The following SKIC2 variants were observed in gnomAD, a reference collection of about 807,000 sequenced individuals.
SKIC2 encodes the protein superkiller complex protein 2.
At chr6:31,964,759 A>G in the SKIC2 span, among the ~76,000 whole-genome samples, 1 of 152,234 alleles carries the variant, frequency 6.6e-6, no homozygotes, top group Non-Finnish European at 1.5e-5. This position sits in a 1 kb window ranked among gnomAD's most constrained non-coding sequence, Gnocchi z 5.0. Flanking sequence ...AGGAGGTTGT[A>G]GGGTTCTGGG....
the SKIC2 span, chr6:31,969,732 CATG>C: frequency 1.3e-6 from 2 of 1,583,698 alleles, no homozygotes. This position sits in a 1 kb window ranked among gnomAD's most constrained non-coding sequence, Gnocchi z 6.1. Flanking sequence ...CATGTAAAAA[CATG>C]ATGATAAAAC....
chr6:31,959,790 CT>C, the SKIC2 span: 1 of 576,110 alleles, frequency 1.7e-6, no homozygotes, highest in Admixed American at 3.2e-5. Flanking sequence ...AGCCAGGGAG[CT>C]TTTTAAAAAT....
At chr6:31,960,552 T>C in the SKIC2 span, 1 of 1,604,692 alleles carries the variant, frequency 6.2e-7, no homozygotes, top group Non-Finnish European at 8.5e-7. Flanking sequence ...GCCAGGTGAC[T>C]CTTGTGGAGA....
chr6:31,969,567 G>A, the SKIC2 span: 5 of 1,613,688 alleles, frequency 3.1e-6, no homozygotes, highest in Admixed American at 1.7e-5. This position sits in a 1 kb window ranked among gnomAD's most constrained non-coding sequence, Gnocchi z 6.1. Flanking sequence ...CTGGTGGTCC[G>A]CTGCATTCAG....
At chr6:31,961,102 T>C in the SKIC2 span, 1 of 1,612,932 alleles carries the variant, frequency 6.2e-7, no homozygotes, top group African/African-American at 1.3e-5. Context: ...AAGGTTAGTT[T>C]TAGTTTTTGA....
chr6:31,968,510 G>A, the SKIC2 span: 19 of 1,612,742 alleles, frequency 1.2e-5, no homozygotes, highest in African/African-American at 2.7e-5. The surrounding 1 kb of genome is among the most constrained non-coding windows in gnomAD (Gnocchi z 6.1). Flanking sequence ...GGGGCTCAGT[G>A]TGTACACAGC....
chr6:31,969,742 A>G, the SKIC2 span: 1 of 1,583,414 alleles, frequency 6.3e-7, no homozygotes, highest in Non-Finnish European at 8.6e-7. This position sits in a 1 kb window ranked among gnomAD's most constrained non-coding sequence, Gnocchi z 6.1. Flanking sequence ...CATGATGATA[A>G]AACAGCAAAG....
At chr6:31,961,324 T>A in the SKIC2 span, 8 of 1,593,674 alleles carry the variant, frequency 5.0e-6, no homozygotes, top group Non-Finnish European at 6.8e-6. Context: ...GGACACTGTT[T>A]CAGCCTCTCC....
the SKIC2 span, chr6:31,968,235 G>A: frequency 7.0e-7 from 1 of 1,420,566 alleles, no homozygotes; most frequent in Non-Finnish European, 9.8e-7. This position sits in a 1 kb window ranked among gnomAD's most constrained non-coding sequence, Gnocchi z 6.1. Context: ...ACTGTGAAGT[G>A]GAGGTTGTAG....
the SKIC2 span, chr6:31,960,528 C>T: frequency 2.3e-5 from 37 of 1,612,576 alleles, no homozygotes; most frequent in Non-Finnish European, 2.9e-5. Flanking sequence ...AAATCCAACT[C>T]AGTATCCCTT....
At chr6:31,968,906 C>T in the SKIC2 span, 2 of 1,612,964 alleles carry the variant, frequency 1.2e-6, no homozygotes, top group South Asian at 2.2e-5. This position sits in a 1 kb window ranked among gnomAD's most constrained non-coding sequence, Gnocchi z 6.1. Context: ...ACGAGGCGGG[C>T]ACTGTGAAGC....
At chr6:31,969,210 C>T in the SKIC2 span, 14 of 1,582,908 alleles carry the variant, frequency 8.8e-6, no homozygotes, top group African/African-American at 2.7e-5. This position sits in a 1 kb window ranked among gnomAD's most constrained non-coding sequence, Gnocchi z 6.1. Context: ...AAAATGGCTG[C>T]CTTCTTGATC....
the SKIC2 span, chr6:31,961,157 T>C: frequency 6.2e-7 from 1 of 1,607,474 alleles, no homozygotes; most frequent in Non-Finnish European, 8.5e-7. Context: ...GGAACAGAGA[T>C]GGACATGACA....
At chr6:31,963,894 C>T in the SKIC2 span, 3 of 1,600,856 alleles carry the variant, frequency 1.9e-6, no homozygotes, top group African/African-American at 1.3e-5. This position sits in a 1 kb window ranked among gnomAD's most constrained non-coding sequence, Gnocchi z 5.3. Context: ...GCTCCTTCCC[C>T]TTCCCCTTCC....
the SKIC2 span, chr6:31,963,454 C>G: frequency 6.2e-7 from 1 of 1,611,226 alleles, no homozygotes; most frequent in East Asian, 2.2e-5. The surrounding 1 kb of genome is among the most constrained non-coding windows in gnomAD (Gnocchi z 5.3). Flanking sequence ...AGCACTGTAA[C>G]CCGCCCCGTG....
At chr6:31,960,645 G>GCCCAGCC in the SKIC2 span, 1 of 1,589,190 alleles carries the variant, frequency 6.3e-7, no homozygotes, top group Non-Finnish European at 8.6e-7. Context: ...ATGAATCCCT[G>GCCCAGCC]TCTGTCCTGT....
the SKIC2 span, chr6:31,959,318 T>C: frequency 6.2e-7 from 1 of 1,613,804 alleles, no homozygotes; most frequent in Non-Finnish European, 8.5e-7. Context: ...CCAGATCCCC[T>C]GGACCTACCC....
the SKIC2 span, chr6:31,969,143 A>T: frequency 1.3e-6 from 2 of 1,568,952 alleles, no homozygotes; most frequent in Non-Finnish European, 1.7e-6. This position sits in a 1 kb window ranked among gnomAD's most constrained non-coding sequence, Gnocchi z 6.1. Flanking sequence ...CCTGACCTTC[A>T]CCTTCAGGTA....
the SKIC2 span, chr6:31,969,359 A>G: frequency 1.2e-6 from 2 of 1,613,844 alleles, no homozygotes; most frequent in Admixed American, 3.3e-5. The surrounding 1 kb of genome is among the most constrained non-coding windows in gnomAD (Gnocchi z 6.1). Context: ...ACGGTGGAGG[A>G]ATTTGTGGGG....
Sources: allele counts gnomAD v4.1 joint callset (sites outside exome capture counted in the v4.1 genomes callset), GRCh38; gene constraint gnomAD v4.1.1; non-coding constraint Gnocchi (gnomAD v3.1); transcripts MANE v1.5; gene names NCBI Gene and HGNC (gene_info 2026-07-23, HGNC 2026-07-21).